The following DDX24 variants were observed in gnomAD, a reference collection of about 807,000 sequenced individuals.
DDX24 encodes ATP-dependent RNA helicase DDX24.
DDX24 carries 24 observed loss-of-function variants against 68.9 expected under a neutral mutation model. The ratio of observed to expected loss-of-function variants is 0.35; its 90% CI spans 0.25 to 0.49. The LOEUF is 0.49. DDX24 is among the 20% of genes least tolerant of loss of function. DDX24 has a pLI of 0.99. For missense variants in DDX24, 989 were observed against 1,039.0 expected (o/e 0.95, Z 0.66); for synonymous variants, 395 against 385.2 (o/e 1.03, Z -0.30).
At chr14:94,056,189 C>T (rs1308074880) in intron 6 of DDX24, 2 of 152,204 alleles carry the variant, frequency 1.3e-5, no homozygotes, top group Non-Finnish European at 2.9e-5. Context: ...ACCTGTGATA[C>T]AGTGAAATAT....
intron 1 of DDX24, among the ~76,000 whole-genome samples, chr14:94,080,818 C>A (rs1242241056): frequency 6.6e-6 from 1 of 152,232 alleles, no homozygotes; most frequent in East Asian, 1.9e-4. Flanking sequence ...GTAGAAGGGC[C>A]TCTGTCTCCT....
intron 1 of DDX24, among the ~76,000 whole-genome samples, chr14:94,080,699 AAAAC>A: frequency 6.6e-6 from 1 of 150,758 alleles, no homozygotes; most frequent in South Asian, 2.1e-4. Context: ...CCACGGCAAA[AAAAC>A]AAAAAACAAA....
At chr14:94,059,494 T>A (rs148652313) in intron 5 of DDX24, among the ~76,000 whole-genome samples, 1 of 152,320 alleles carries the variant, frequency 6.6e-6, no homozygotes, top group East Asian at 1.9e-4. Context: ...ATAATGGTAA[T>A]AAGTAGTAAA....
Position 94,079,578 on chromosome 14 carries a change from ATC to A in DDX24, c.163_164del (p.Asp55LeufsTer38). The A allele has an allele frequency of 6.2e-7, 1 of 1,614,076 alleles. No homozygotes were observed. The highest frequency in any genetic ancestry group is 1.7e-5 in the Admixed American group (1 of 60,012). The part of the protein sequence containing the change: ...DDLVCFEELT[D>X]YQLVSPAKNP... ...TCTTGGCAGGGGAGACCAACTGGTA[ATC>A]TGTCAATTCCTCAAAGCACACCAAG... On this transcript the variant is annotated frameshift_variant, in exon 2 of 9. Coordinates refer to ENST00000621632, the MANE Select transcript of DDX24 (RefSeq NM_020414.4). LOFTEE classifies it high-confidence loss of function.
intron 3 of DDX24, among the ~76,000 whole-genome samples, chr14:94,061,486 T>C (rs1296349363): frequency 1.3e-5 from 2 of 152,242 alleles, no homozygotes; most frequent in East Asian, 3.8e-4. Flanking sequence ...TAATGCCCTG[T>C]TGTTTTCGTC....
intron 6 of DDX24, chr14:94,057,472 G>C (rs1885512624): frequency 4.6e-6 from 1 of 216,434 alleles, no homozygotes; most frequent in Admixed American, 5.8e-5. Flanking sequence ...GCTGGGATTT[G>C]AGCCCAGAGA....
At chr14:94,074,370 T>A (rs1041438185) in intron 2 of DDX24, among the ~76,000 whole-genome samples, 8 of 152,218 alleles carry the variant, frequency 5.3e-5, no homozygotes, top group African/African-American at 1.9e-4. Context: ...TAGAATAGTA[T>A]ATTGTGACCA....
intron 2 of DDX24, among the ~76,000 whole-genome samples, chr14:94,069,898 C>A (rs1595378634): frequency 6.6e-6 from 1 of 152,270 alleles, no homozygotes; most frequent in Admixed American, 6.5e-5. Context: ...CCACAGTCAA[C>A]ATAATACTGA....
At chr14:94,055,318 C>T (rs1885472887) in intron 6 of DDX24, 134 bp from the exon 7 acceptor site, 4 of 806,822 alleles carry the variant, frequency 5.0e-6, no homozygotes, top group East Asian at 2.7e-5. Flanking sequence ...CATTGTAGAG[C>T]AATCTAGCCC....
chr14:94,061,036 A>G lies in DDX24; in HGVS notation c.1274T>C (p.Met425Thr), dbSNP rs1885587114. 6 of 1,614,088 alleles carry G rather than the reference A, an allele frequency of 3.7e-6. No individual in the cohort carries two copies. In the East Asian group the frequency reaches 6.7e-5, roughly 18 times the overall value. The change falls in exon 4 of 9, where the codon ATG (methionine) becomes ACG (threonine). Residue 425 changes from methionine to threonine, a missense_variant. By Grantham distance (81) the Met-to-Thr change is moderately conservative. Coordinates refer to ENST00000621632, the MANE Select transcript of DDX24 (RefSeq NM_020414.4). ...GIKTAILVGGMSTQKQQRMLN... is the reference protein window; with the variant it reads ...GIKTAILVGGTSTQKQQRMLN... ...CATCCTCTGCTGTTTCTGCGTGGAC[A>G]TTCCACCAACCAAAATAGCAGTTTT...
chr14:94,065,405 A>ACACACACACACACACACACACAC (rs1567060057), intron 2 of DDX24, among the ~76,000 whole-genome samples: 16 of 152,006 alleles, frequency 1.1e-4, no homozygotes, highest in East Asian at 1.9e-4. Flanking sequence ...ACACACACAC[A>ACACACACACACACACACACACAC]AATTCAGTGC....
rs1489318143 is a variant in DDX24, at chr14:94,079,113, T to C, written c.630A>G (p.Leu210=). ...PRPVLRALSF[L]GFSAPTPIQA... Reference sequence around the variant, plus strand: ...GGATTGGTGTGGGTGCAGAGAAGCCTAGAAAGCTGAGTGCTCGGAGAACCG... The same window carrying C: ...GGATTGGTGTGGGTGCAGAGAAGCCCAGAAAGCTGAGTGCTCGGAGAACCG... The change falls in exon 2 of 9, where the codon CTA becomes CTG. Residue 210 remains leucine (L), a synonymous_variant. Coordinates refer to ENST00000621632, the MANE Select transcript of DDX24 (RefSeq NM_020414.4). 1 of 1,614,208 alleles carries C rather than the reference T, an allele frequency of 6.2e-7. No homozygotes were observed. Among genetic ancestry groups the C allele is most frequent in the Admixed American group, 1.7e-5 (1 of 60,032 alleles).
intron 2 of DDX24, among the ~76,000 whole-genome samples, chr14:94,077,071 A>G (rs1433562126): frequency 6.6e-6 from 1 of 152,242 alleles, no homozygotes; most frequent in Non-Finnish European, 1.5e-5. Context: ...ATGTTACTGT[A>G]AGAATAAAGT....
intron 4 of DDX24, 144 bp from the exon 5 acceptor site, chr14:94,060,757 T>C (rs1164281444): frequency 1.4e-6 from 2 of 1,451,990 alleles, no homozygotes; most frequent in South Asian, 1.4e-5. Context: ...CCTCAACTAA[T>C]CTCCCTCATG....
At chr14:94,058,137 C>G (rs1048708535) in intron 5 of DDX24, among the ~76,000 whole-genome samples, 2 of 152,024 alleles carry the variant, frequency 1.3e-5, no homozygotes, top group African/African-American at 2.4e-5. Context: ...AACCAACATG[C>G]CATACTCTGC....
Position 94,051,144 on chromosome 14 carries a change from A to G in DDX24, c.*47T>C. 6.8e-7 allele frequency: 1 copy of G among 1,480,426 alleles called. No homozygotes were observed. Among genetic ancestry groups the G allele is most frequent in the Non-Finnish European group, 8.9e-7 (1 of 1,117,622 alleles). 91.7% of individuals were successfully genotyped at this position (1,480,426 alleles called of 1,614,324 possible). ...CAAGGGTGGGAGAGGTTTTGCAAAT[A>G]GCCAGAGAACAGAAACCAATGTGCA... On this transcript the variant is annotated 3_prime_UTR_variant, in exon 9 of 9. Coordinates refer to ENST00000621632, the MANE Select transcript of DDX24 (RefSeq NM_020414.4).
rs192666048 is a variant in DDX24 at position 94,079,644 on chromosome 14, C to T, written c.99G>A (p.Lys33=). ...CATCTGCAAACATATTTGGGTCAAT[C>T]TTCACTTCCTTCCATTTTCCCACAA... ...IKVVGKWKEV[K]IDPNMFADGQ... is the part of the protein sequence containing the mutation. The change falls in exon 2 of 9, where the codon AAG becomes AAA. Residue 33 remains lysine, a synonymous_variant. Coordinates refer to ENST00000621632, the MANE Select transcript of DDX24 (RefSeq NM_020414.4). The T allele has an allele frequency of 6.2e-7, 1 of 1,614,044 alleles. No homozygotes were observed. The highest frequency in any genetic ancestry group is 8.5e-7 in the Non-Finnish European group (1 of 1,180,036).
Position 94,060,603 on chromosome 14 carries a change from C to T in DDX24, c.1408G>A (p.Val470Met). ...RNLRQLRCLVVDEADRMVEKG... is the reference protein window; with the variant it reads ...RNLRQLRCLVMDEADRMVEKG... ...TCAACCATCCGGTCAGCCTCATCCA[C>T]TACCAGGCACCTGCAGATCCAGAGA... The change falls in exon 5 of 9, where the codon GTG (valine) becomes ATG (methionine). Residue 470 changes from valine to methionine, a missense_variant. This residue lies in a region of DDX24 where 691 missense variants were observed against 760.0 expected (regional missense o/e 0.91). Transcript: ENST00000621632. 6.2e-7 allele frequency: 1 copy of T among 1,612,866 alleles called. No individual in the cohort carries two copies. Among genetic ancestry groups the T allele is most frequent in the East Asian group, 2.2e-5 (1 of 44,870 alleles).
intron 5 of DDX24, among the ~76,000 whole-genome samples, chr14:94,058,675 T>C (rs949498481): frequency 2.6e-5 from 4 of 152,174 alleles, no homozygotes; most frequent in Non-Finnish European, 5.9e-5. Context: ...CTTGAGGTGC[T>C]TCAAAACATA....
Sources: gnomAD v4.1 joint callset for allele counts (sites outside exome capture counted in the v4.1 genomes callset) on GRCh38, gnomAD v4.1.1 for gene constraint, gnomAD v4.1.1 regional missense constraint, MANE v1.5 for transcripts, NCBI Gene and HGNC (gene_info 2026-07-23, HGNC 2026-07-21) for gene names.